The following PPP2R2B variants were observed in gnomAD, a reference collection of about 807,000 sequenced individuals.
PPP2R2B encodes protein phosphatase 2 regulatory subunit Bbeta, also known as serine/threonine-protein phosphatase 2A 55 kDa regulatory subunit B beta isoform.
Under a neutral mutation model 46.0 loss-of-function variants are expected in PPP2R2B, and 5 were observed. That is an observed-to-expected ratio of 0.11 (90% CI 0.06 to 0.23). The LOEUF (loss-of-function observed/expected upper bound fraction) is 0.23. Among genes scored for constraint, PPP2R2B ranks in the 10% least tolerant of loss-of-function variants. The pLI is 1.00. For missense variants in PPP2R2B, 367 were observed against 575.0 expected, an observed-to-expected ratio of 0.64 and a Z score of 3.70; for synonymous variants, 215 against 206.7, an observed-to-expected ratio of 1.04 and a Z score of -0.34.
intron 5 of PPP2R2B, among the ~76,000 whole-genome samples, chr5:146,661,376 T>C (rs1447987690): frequency 1.3e-5 from 2 of 152,138 alleles, no homozygotes; most frequent in Non-Finnish European, 2.9e-5. Flanking sequence ...ACTTCTACAA[T>C]AGACCAGCAA....
chr5:146,830,801 C>T (rs1758880092), intron 2 of PPP2R2B, among the ~76,000 whole-genome samples: 1 of 152,152 alleles, frequency 6.6e-6, no homozygotes, highest in South Asian at 2.1e-4. Context: ...TTACCAGTCT[C>T]CAAGTTCATT....
intron 1 of PPP2R2B, among the ~76,000 whole-genome samples, chr5:147,012,583 G>T (rs1164251703): frequency 6.6e-6 from 1 of 151,998 alleles, no homozygotes; most frequent in East Asian, 1.9e-4. Flanking sequence ...ATTTCCTTCA[G>T]TTCTGCTCTG....
At chr5:146,829,046 A>G (rs1758756265) in intron 2 of PPP2R2B, among the ~76,000 whole-genome samples, 2 of 152,218 alleles carry the variant, frequency 1.3e-5, no homozygotes, top group Admixed American at 1.3e-4. Flanking sequence ...TTTTATGGAA[A>G]GAAAAAATTT....
upstream of PPP2R2B, chr5:147,056,235 A>G (rs1226264687): frequency 3.8e-6 from 2 of 521,074 alleles, no homozygotes; most frequent in Non-Finnish European, 4.9e-6. Flanking sequence ...ATGGCTGTTA[A>G]AAGGAGCCAC....
intron 2 of PPP2R2B, among the ~76,000 whole-genome samples, chr5:146,721,627 A>C (rs1780801904): frequency 6.6e-6 from 1 of 152,260 alleles, no homozygotes; most frequent in Admixed American, 6.5e-5. Flanking sequence ...ACCAGGCCCA[A>C]GCCAGGCTGC....
chr5:146,692,776 C>T (rs1045635856), intron 4 of PPP2R2B, among the ~76,000 whole-genome samples: 7 of 152,050 alleles, frequency 4.6e-5, no homozygotes, highest in Non-Finnish European at 7.4e-5. Context: ...CCTCTTGATC[C>T]GCCTGCCTCG....
intron 2 of PPP2R2B, among the ~76,000 whole-genome samples, chr5:146,812,881 C>T (rs1299430713): frequency 8.0e-6 from 1 of 124,558 alleles, no homozygotes; most frequent in Non-Finnish European, 1.6e-5. Flanking sequence ...TTACTCACTA[C>T]CATGAGAACA....
At chr5:146,770,459 CTAAG>C (rs1444923034) in intron 2 of PPP2R2B, among the ~76,000 whole-genome samples, 5 of 149,698 alleles carry the variant, frequency 3.3e-5, no homozygotes, top group African/African-American at 7.4e-5. Flanking sequence ...CAATATACTA[CTAAG>C]TAAGAAACTA....
intron 1 of PPP2R2B, among the ~76,000 whole-genome samples, chr5:146,979,649 G>A (rs1753075576): frequency 6.6e-6 from 1 of 151,324 alleles, no homozygotes; most frequent in African/African-American, 2.4e-5. Flanking sequence ...CCCAGTAAAT[G>A]CCTGAAACCA....
intron 1 of PPP2R2B, among the ~76,000 whole-genome samples, chr5:146,959,094 TG>T (rs1252395107): frequency 1.3e-5 from 2 of 152,228 alleles, no homozygotes; most frequent in African/African-American, 4.8e-5. Flanking sequence ...GAAAATATAC[TG>T]ACATCCAGAT....
At chr5:147,058,962 G>A (rs1257043161), upstream of PPP2R2B, among the ~76,000 whole-genome samples, 1 of 152,200 alleles carries the variant, frequency 6.6e-6, no homozygotes, top group Non-Finnish European at 1.5e-5. Flanking sequence ...GGGATAAGAA[G>A]TGATTCTTCC....
Position 146,585,451 on chromosome 5 carries a change from G to C in PPP2R2B, c.*4496C>G, listed in dbSNP as rs2150989974. ...AGTATCTGCATCTGGAGTTTTAGGG[G>C]TAAATAAGTCAATACATGTGAAATT... On this transcript the variant is annotated 3_prime_UTR_variant, in exon 10 of 10. Transcript: ENST00000394411. 1 of 152,292 alleles carries C rather than the reference G, an allele frequency of 6.6e-6. No homozygotes were observed. The highest frequency in any genetic ancestry group is 1.9e-4 in the East Asian group (1 of 5,182). The allele number at this position is 152,292 out of a possible 1,614,324, so 9.4% of individuals were successfully genotyped here.
intron 1 of PPP2R2B, among the ~76,000 whole-genome samples, chr5:146,898,013 C>G (rs920406984): frequency 6.6e-6 from 1 of 152,090 alleles, no homozygotes; most frequent in Admixed American, 6.5e-5. Context: ...GGCAAAACCC[C>G]GTGTCTACTA....
At chr5:146,598,928 G>C (rs1771501156) in intron 8 of PPP2R2B, among the ~76,000 whole-genome samples, 1 of 152,114 alleles carries the variant, frequency 6.6e-6, no homozygotes, top group Non-Finnish European at 1.5e-5. Flanking sequence ...TGGTTTGTGA[G>C]TAAACTAAGA....
chr5:146,944,225 CT>C (rs140143540), intron 1 of PPP2R2B, among the ~76,000 whole-genome samples: 2 of 152,090 alleles, frequency 1.3e-5, no homozygotes, highest in African/African-American at 2.4e-5. Context: ...TACATATATT[CT>C]TTGAGAAAAG....
chr5:147,079,430 C>T (rs1021863565), intron 2 of PPP2R2B, among the ~76,000 whole-genome samples: 11 of 104,462 alleles, frequency 1.1e-4, no homozygotes, highest in Non-Finnish European at 1.1e-4. Flanking sequence ...AACACACACA[C>T]ATTTTATATA....
intron 1 of PPP2R2B, chr5:147,081,195 A>T: frequency 6.5e-7 from 1 of 1,535,428 alleles, no homozygotes; most frequent in Non-Finnish European, 8.7e-7. Context: ...TGTTCTTAAG[A>T]GACCAACAAG....
intron 1 of PPP2R2B, among the ~76,000 whole-genome samples, chr5:147,028,368 C>A (rs1347903417): frequency 1.3e-5 from 2 of 152,118 alleles, no homozygotes; most frequent in Admixed American, 6.5e-5. Context: ...TTTTTTCACC[C>A]ATTTTACCAC....
At chr5:146,726,235 G>A (rs920480708) in intron 2 of PPP2R2B, among the ~76,000 whole-genome samples, 11 of 152,022 alleles carry the variant, frequency 7.2e-5, no homozygotes, top group East Asian at 1.9e-4. Flanking sequence ...CTTACTGGGC[G>A]TCAAACAAGC....
Sources: gnomAD v4.1 joint callset for allele counts (sites outside exome capture counted in the v4.1 genomes callset) on GRCh38, gnomAD v4.1.1 for gene constraint, MANE v1.5 for transcripts, NCBI Gene and HGNC (gene_info 2026-07-23, HGNC 2026-07-21) for gene names.